RRP15: variants seen among roughly 807,000 people sequenced by gnomAD.
RRP15 encodes the protein RRP15-like protein.
RRP15 carries 18 observed loss-of-function variants against 27.1 expected under a neutral mutation model. The ratio of observed to expected loss-of-function variants is 0.66; its 90% CI spans 0.46 to 0.98. The LOEUF is 0.98. RRP15 is among the 50% of genes least tolerant of loss of function. The pLI, the probability that RRP15 is intolerant of heterozygous loss-of-function variation, is 0.00. For synonymous variants in RRP15, 107 were observed against 109.4 expected (o/e 0.98, Z 0.14); for missense variants, 359 against 337.8 (o/e 1.06, Z -0.49).
chr1:218,327,220 T>C (rs1656287502), intron 4 of RRP15, among the ~76,000 whole-genome samples: 2 of 152,234 alleles, frequency 1.3e-5, no homozygotes, highest in South Asian at 4.1e-4. Flanking sequence ...CACTTTAGCA[T>C]GGGCCCTCTG....
chr1:218,314,682 A>G (rs2102507238), intron 4 of RRP15, among the ~76,000 whole-genome samples: 1 of 152,144 alleles, frequency 6.6e-6, no homozygotes, highest in East Asian at 1.9e-4. Flanking sequence ...GGAAAATGCT[A>G]GCTGGTTTCT....
chr1:218,290,493 C>G (rs1655622245), intron 1 of RRP15, among the ~76,000 whole-genome samples: 1 of 152,150 alleles, frequency 6.6e-6, no homozygotes, highest in Non-Finnish European at 1.5e-5. Flanking sequence ...GAAACAAGAT[C>G]TGGCTCTATT....
At chr1:218,310,203 C>T (rs1036779444) in intron 4 of RRP15, among the ~76,000 whole-genome samples, 1 of 152,194 alleles carries the variant, frequency 6.6e-6, no homozygotes, top group Non-Finnish European at 1.5e-5. Flanking sequence ...TGTTCCTTCT[C>T]TCATCATAAA....
At chr1:218,312,664 T>G (rs1210733159) in intron 4 of RRP15, among the ~76,000 whole-genome samples, 1 of 152,170 alleles carries the variant, frequency 6.6e-6, no homozygotes, top group Admixed American at 6.5e-5. Context: ...GGTACATATA[T>G]TGCTCACGAA....
At position 218,307,729 on chromosome 1, in the gene RRP15, T is replaced by G. The variant is rs1655923177; in HGVS notation, c.705+97T>G. ...GACTATAGAATTACAGAGTTTTGTGTTTTTTTCCTAAATTTTATTAAAATT... is the reference window on the plus strand; with the variant it reads ...GACTATAGAATTACAGAGTTTTGTGGTTTTTTCCTAAATTTTATTAAAATT... On this transcript the variant is annotated intron_variant, in intron 4 of 4. Coordinates refer to ENST00000366932, the MANE Select transcript of RRP15 (RefSeq NM_016052.4). The G allele has an allele frequency of 4.7e-6, 4 of 842,382 alleles. No homozygotes were observed. In the South Asian group the frequency reaches 7.1e-5, roughly 15 times the overall value. 52.2% of individuals were successfully genotyped at this position (842,382 alleles called of 1,614,324 possible). A position where few individuals can be genotyped will look rare whatever the true frequency, so the allele number is the denominator to read the frequency against.
chr1:218,319,898 AAGAGACTAATTGGCAGAGTGTATC>A (rs904175735), intron 4 of RRP15, among the ~76,000 whole-genome samples: 4 of 152,074 alleles, frequency 2.6e-5, no homozygotes, highest in African/African-American at 7.2e-5. Flanking sequence ...AATGTGCTTT[AAGAGACTAATTGGCAGAGTGTATC>A]TGAATATTTC....
At chr1:218,317,794 G>A (rs1025779691) in intron 4 of RRP15, among the ~76,000 whole-genome samples, 4 of 147,566 alleles carry the variant, frequency 2.7e-5, no homozygotes, top group African/African-American at 1.0e-4. Context: ...GGAATATAGT[G>A]GTGTGATCAC....
chr1:218,336,081 A>G lies in RRP15; in HGVS notation c.*4990A>G, dbSNP rs1656443052. The G allele has an allele frequency of 6.6e-6, 1 of 152,186 alleles. No individual in the cohort carries two copies. The highest frequency in any genetic ancestry group is 2.4e-5 in the African/African-American group (1 of 41,442). 9.4% of individuals were successfully genotyped at this position (152,186 alleles called of 1,614,324 possible). A position where few individuals can be genotyped will look rare whatever the true frequency, so the allele number is the denominator to read the frequency against. On this transcript the variant is annotated 3_prime_UTR_variant, in exon 5 of 5. Transcript: ENST00000366932. ...GCCGGAGCAACAGATACCACCATGT[A>G]AGGAGTGAATTCCCATGTTTTTCAC...
At chr1:218,303,720 T>A (rs1351769466) in intron 2 of RRP15, among the ~76,000 whole-genome samples, 1 of 152,222 alleles carries the variant, frequency 6.6e-6, no homozygotes, top group Non-Finnish European at 1.5e-5. Flanking sequence ...GTGCTAGAGA[T>A]GATACTGTCT....
chr1:218,302,255 T>C, intron 1 of RRP15, 39 bp from the exon 2 acceptor site: 1 of 1,539,266 alleles, frequency 6.5e-7, no homozygotes, highest in Non-Finnish European at 8.9e-7. Flanking sequence ...CTGCCTAGGA[T>C]ATTAAAGTTT....
chr1:218,299,911 T>C (rs1260721329), intron 1 of RRP15, among the ~76,000 whole-genome samples: 1 of 152,168 alleles, frequency 6.6e-6, no homozygotes, highest in African/African-American at 2.4e-5. Context: ...GGGAAACATT[T>C]TGTGGCCCTG....
intron 1 of RRP15, among the ~76,000 whole-genome samples, chr1:218,299,859 G>A (rs1299887490): frequency 6.6e-6 from 1 of 152,198 alleles, no homozygotes; most frequent in East Asian, 1.9e-4. Flanking sequence ...TTGTTTTCCA[G>A]TGTACTTTCC....
chr1:218,305,228 C>A, intron 3 of RRP15, 103 bp downstream of exon 3: 1 of 805,100 alleles, frequency 1.2e-6, no homozygotes, highest in Non-Finnish European at 2.0e-6. Flanking sequence ...TTCTCAGAGC[C>A]AAGTGATATA....
chr1:218,332,939 A>G lies in RRP15; in HGVS notation c.*1848A>G, dbSNP rs975445209. 2.0e-5 allele frequency: 3 copies of G among 151,742 alleles called. No homozygotes were observed. Among genetic ancestry groups the G allele is most frequent in the African/African-American group, 7.3e-5 (3 of 41,374 alleles). The allele number at this position is 151,742 out of a possible 1,614,324, so 9.4% of individuals were successfully genotyped here. On this transcript the variant is annotated 3_prime_UTR_variant, in exon 5 of 5. Coordinates refer to ENST00000366932, the MANE Select transcript of RRP15 (RefSeq NM_016052.4). ...CCAGAACTAAGATTACACTTAATTT[A>G]ATTTAATGTGTTTCTGCGTTATACT...
At chr1:218,320,881 T>G (rs1656176927) in intron 4 of RRP15, among the ~76,000 whole-genome samples, 1 of 152,166 alleles carries the variant, frequency 6.6e-6, no homozygotes, top group Non-Finnish European at 1.5e-5. Flanking sequence ...TGTTAAGAAC[T>G]TTTTAAAATT....
chr1:218,286,704 G>A (rs1313593503), intron 1 of RRP15, among the ~76,000 whole-genome samples: 2 of 152,140 alleles, frequency 1.3e-5, no homozygotes, highest in Non-Finnish European at 2.9e-5. Context: ...TTAAGTAAAT[G>A]AATGAATTAA....
At chr1:218,317,726 C>CTTTTT (rs34893347) in intron 4 of RRP15, among the ~76,000 whole-genome samples, 24 of 119,766 alleles carry the variant, frequency 2.0e-4, no homozygotes, top group African/African-American at 5.8e-4. Context: ...GCCCCACACC[C>CTTTTT]TTTTTTTTTT....
chr1:218,300,273 G>A (rs1443125001), intron 1 of RRP15, among the ~76,000 whole-genome samples: 1 of 152,070 alleles, frequency 6.6e-6, no homozygotes, highest in Non-Finnish European at 1.5e-5. Context: ...AATGTGAAAT[G>A]TTATTGTTCT....
intron 1 of RRP15, among the ~76,000 whole-genome samples, chr1:218,299,566 T>C (rs182264815): frequency 1.1e-4 from 16 of 152,292 alleles, no homozygotes; most frequent in African/African-American, 3.9e-4. Flanking sequence ...TGTGTGTGAA[T>C]ACATCAGGAC....
Sources: gnomAD v4.1 joint callset for allele counts (sites outside exome capture counted in the v4.1 genomes callset) on GRCh38, gnomAD v4.1.1 for gene constraint, MANE v1.5 for transcripts, NCBI Gene and HGNC (gene_info 2026-07-23, HGNC 2026-07-21) for gene names.